OPRM1: variants seen among roughly 807,000 people sequenced by gnomAD.
OPRM1 encodes the protein mu-type opioid receptor.
OPRM1 carries 27 observed loss-of-function variants against 31.8 expected under a neutral mutation model. The observed-to-expected ratio is 0.85, with a 90% confidence interval of 0.63 to 1.17. The LOEUF is 1.17. OPRM1 is among the 50% of genes most tolerant of loss of function. The pLI is 0.00. For synonymous variants in OPRM1, 196 were observed against 189.9 expected, an observed-to-expected ratio of 1.03 and a Z score of -0.26; for missense variants, 536 against 511.1, an observed-to-expected ratio of 1.05 and a Z score of -0.47.
In OPRM1 at chr6:154,193,404, G is replaced by A. The variant is rs147096412; in HGVS notation, c.1165-53289G>A. On this transcript the variant is annotated intron_variant, in intron 3 of 3. Coordinates refer to the OPRM1 transcript ENST00000337049. Reference sequence around the variant, plus strand: ...TGACAGATAAAAGACTACAAGTTGGGTACAGTATATGCTGCTGAGCAAAAT... The same window carrying A: ...TGACAGATAAAAGACTACAAGTTGGATACAGTATATGCTGCTGAGCAAAAT... Among the ~76,000 whole-genome samples the A allele has an allele frequency of 8.5e-3, 1,287 of 152,242 alleles. 10 individuals carry two copies. The highest frequency in any genetic ancestry group is 0.01 in the Non-Finnish European group (697 of 68,016).
Position 154,237,629 on chromosome 6 carries a change from A to G in OPRM1, c.1165-9064A>G, listed in dbSNP as rs537004143. On this transcript the variant is annotated intron_variant, in intron 3 of 3. Transcript: ENST00000337049. ...TGTTCTTGGTCAACATTTACTTGCA[A>G]GAAAATAGACGCATAGACATTTGCA... Among the ~76,000 whole-genome samples the G allele has an allele frequency of 7.2e-5, 11 of 152,308 alleles. No homozygotes were observed. The Middle Eastern group carries it at 0.01, about 141-fold the overall frequency.
intron 3 of OPRM1, among the ~76,000 whole-genome samples, chr6:154,241,428 C>T (rs1489171877): frequency 6.6e-6 from 1 of 151,928 alleles, no homozygotes; most frequent in Non-Finnish European, 1.5e-5. Context: ...AACTAAAATA[C>T]ACCAAAAAAG....
At chr6:154,115,956 C>CAG (rs1796833184) in intron 3 of OPRM1, among the ~76,000 whole-genome samples, 1 of 152,186 alleles carries the variant, frequency 6.6e-6, no homozygotes, top group Admixed American at 6.5e-5. Flanking sequence ...GCCTTATGAT[C>CAG]AGGTCCCTTT....
Position 154,039,518 on chromosome 6 carries a change from A to G in OPRM1, c.-27A>G. On this transcript the variant is annotated 5_prime_UTR_variant, in exon 1 of 4. Coordinates refer to ENST00000330432, the MANE Select transcript of OPRM1 (RefSeq NM_000914.5). ...CTCGGTGCTCCTGGCTACCTCGCAC[A>G]GCGGTGCCCGCCCGGCCGTCAGTAC... 1.3e-6 allele frequency: 2 copies of G among 1,594,522 alleles called. No individual in the cohort carries two copies. Among genetic ancestry groups the G allele is most frequent in the South Asian group, 1.1e-5 (1 of 88,128 alleles).
chr6:154,037,488 A>G (rs928449984), upstream of OPRM1, among the ~76,000 whole-genome samples: 4 of 152,070 alleles, frequency 2.6e-5, no homozygotes, highest in Admixed American at 2.6e-4. Context: ...TAACACTGGA[A>G]CTGTAGTTTC....
intron 3 of OPRM1, among the ~76,000 whole-genome samples, chr6:154,167,718 AACTGCCTTGG>A (rs561976699): frequency 1.0e-3 from 155 of 152,266 alleles, no homozygotes; most frequent in African/African-American, 3.3e-3. Context: ...TATTGTGAAA[AACTGCCTTGG>A]GCGCTACTGT....
intron 3 of OPRM1, among the ~76,000 whole-genome samples, chr6:154,106,807 A>G (rs1290335802): frequency 6.6e-6 from 1 of 152,210 alleles, no homozygotes; most frequent in African/African-American, 2.4e-5. Flanking sequence ...GGGTAGGTAG[A>G]TTGAACAATT....
chr6:154,141,411 G>C (rs1212007046), intron 3 of OPRM1, among the ~76,000 whole-genome samples: 1 of 152,180 alleles, frequency 6.6e-6, no homozygotes, highest in African/African-American at 2.4e-5. Flanking sequence ...AGGCCTTGAT[G>C]GGGGTGGGGC....
chr6:154,066,955 C>T (rs916247489), intron 1 of OPRM1, among the ~76,000 whole-genome samples: 3 of 152,114 alleles, frequency 2.0e-5, no homozygotes, highest in Non-Finnish European at 4.4e-5. Flanking sequence ...AATTTGTTGG[C>T]ATATAATTTG....
intron 3 of OPRM1, among the ~76,000 whole-genome samples, chr6:154,233,385 C>A (rs1257651065): frequency 6.6e-6 from 1 of 152,086 alleles, no homozygotes; most frequent in East Asian, 1.9e-4. Context: ...AGTAAACTTA[C>A]CATATTCTTC....
At position 154,066,995 on chromosome 6, in the gene OPRM1, T is replaced by C. The variant is rs140650366; in HGVS notation, c.291-22831T>C. On this transcript the variant is annotated intron_variant, in intron 1 of 3. Coordinates refer to ENST00000330432, the MANE Select transcript of OPRM1 (RefSeq NM_000914.5). The stretch of plus-strand genomic sequence containing the variant: ...TAGAACTCTCTTGTAAACATTTTAT[T>C]TATGTACAAAAACTAGTAATATGCC... 7.7e-3 allele frequency among the ~76,000 whole-genome samples: 1,177 copies of C among 152,250 alleles called. 11 individuals are homozygous for C. Among genetic ancestry groups the C allele is most frequent in the African/African-American group, 0.027 (1,132 of 41,572 alleles).
chr6:154,068,132 A>T (rs1217877333), intron 1 of OPRM1, among the ~76,000 whole-genome samples: 5 of 152,132 alleles, frequency 3.3e-5, no homozygotes, highest in Non-Finnish European at 7.4e-5. Flanking sequence ...CAAGTAATCG[A>T]TGTAAATTTC....
chr6:154,201,537 C>G (rs1777068036), intron 3 of OPRM1, among the ~76,000 whole-genome samples: 1 of 152,188 alleles, frequency 6.6e-6, no homozygotes. Context: ...GTAGAGAAGG[C>G]ATTTTATGGT....
rs80066323 is a variant in OPRM1 at position 154,207,383 on chromosome 6, A to G, written c.1165-39310A>G. The stretch of plus-strand genomic sequence containing the variant: ...TTCTGTCTACCTTTTTCTTGTATAT[A>G]TAGTCACTGAGAATTTTTCACCCAA... On this transcript the variant is annotated intron_variant, in intron 3 of 3. Coordinates refer to the OPRM1 transcript ENST00000337049. Among the ~76,000 whole-genome samples, 775 of 152,336 alleles carry G rather than the reference A, an allele frequency of 5.1e-3. 9 individuals are homozygous for G. The highest frequency in any genetic ancestry group is 0.018 in the African/African-American group (744 of 41,584).
chr6:154,063,215 A>G (rs971165689), intron 1 of OPRM1, among the ~76,000 whole-genome samples: 1 of 152,042 alleles, frequency 6.6e-6, no homozygotes, highest in African/African-American at 2.4e-5. Context: ...AATAGATACA[A>G]TAATAGATAC....
intron 1 of OPRM1, 36 bp from the exon 2 acceptor site, chr6:154,089,788 CTT>C: frequency 7.0e-7 from 1 of 1,437,330 alleles, no homozygotes; most frequent in Non-Finnish European, 9.7e-7. Context: ...ACACTAGTGT[CTT>C]TTACTGATTC....
chr6:154,147,142 T>C (rs979660909), intron 3 of OPRM1, among the ~76,000 whole-genome samples: 24 of 152,120 alleles, frequency 1.6e-4, no homozygotes, highest in African/African-American at 5.6e-4. Context: ...AGAGGTGAAG[T>C]TCTGGAGGAC....
chr6:154,092,428 T>A (rs528978275), intron 3 of OPRM1, among the ~76,000 whole-genome samples: 1 of 152,316 alleles, frequency 6.6e-6, no homozygotes, highest in South Asian at 2.1e-4. Context: ...GCCTGTATAA[T>A]TTTTTTAACA....
At chr6:154,028,566 T>C (rs6910065) in intron 1 of OPRM1, among the ~76,000 whole-genome samples, 13,486 of 152,168 alleles carry the variant, frequency 0.089, 1,068 homozygotes, top group African/African-American at 0.21. Flanking sequence ...GATAGTCTTT[T>C]GAGTTTATTT....
Sources: allele counts gnomAD v4.1 joint callset (sites outside exome capture counted in the v4.1 genomes callset), GRCh38; gene constraint gnomAD v4.1.1; transcripts MANE v1.5; gene names NCBI Gene and HGNC (gene_info 2026-07-23, HGNC 2026-07-21).